Variants in ERC2 observed in about 807,000 individuals in gnomAD.
ERC2 encodes ERC protein 2.
ERC2 carries 42 observed loss-of-function variants against 114.8 expected under a neutral mutation model. That is an observed-to-expected ratio of 0.37 (90% CI 0.29 to 0.47). The LOEUF (loss-of-function observed/expected upper bound fraction) is 0.47. Ranked by LOEUF, ERC2 falls within the 20% of genes least tolerant of loss-of-function variation. The pLI is 0.99. For missense variants in ERC2, 939 were observed against 1,150.7 expected (o/e 0.82, Z 2.66); for synonymous variants, 454 against 425.5 (o/e 1.07, Z -0.82).
At chr3:55,818,710 G>C (rs2059997162) in intron 14 of ERC2, among the ~76,000 whole-genome samples, 1 of 152,208 alleles carries the variant, frequency 6.6e-6, no homozygotes, top group Admixed American at 6.5e-5. Flanking sequence ...TGACAAGGCA[G>C]CTGAAGCACT....
At chr3:55,620,628 C>T (rs370111624) in intron 17 of ERC2, among the ~76,000 whole-genome samples, 2 of 152,096 alleles carry the variant, frequency 1.3e-5, no homozygotes, top group African/African-American at 2.4e-5. Context: ...TCACAGTGTA[C>T]GGGAGACTTT....
chr3:56,183,148 C>T (rs550826620), intron 3 of ERC2, among the ~76,000 whole-genome samples: 2 of 152,046 alleles, frequency 1.3e-5, no homozygotes, highest in Non-Finnish European at 2.9e-5. Flanking sequence ...AAAGATTGAC[C>T]CCATACCAGG....
intron 3 of ERC2, among the ~76,000 whole-genome samples, chr3:56,294,918 C>T (rs1361850970): frequency 6.6e-6 from 1 of 152,144 alleles, no homozygotes; most frequent in African/African-American, 2.4e-5. Context: ...TAAAACGAAA[C>T]AAGGAAGAAT....
At chr3:55,991,894 T>C (rs1199904466) in intron 11 of ERC2, among the ~76,000 whole-genome samples, 163 bp downstream of exon 11, 1 of 152,222 alleles carries the variant, frequency 6.6e-6, no homozygotes, top group Non-Finnish European at 1.5e-5. Flanking sequence ...GCATTCTTAG[T>C]ATTCCACAGA....
chr3:55,645,481 C>A (rs1270173563), intron 17 of ERC2, among the ~76,000 whole-genome samples: 1 of 152,186 alleles, frequency 6.6e-6, no homozygotes, highest in Admixed American at 6.5e-5. Context: ...AACAAGTTAT[C>A]TTCTTTTGTT....
At chr3:56,378,347 C>G (rs1239177032) in intron 2 of ERC2, among the ~76,000 whole-genome samples, 2 of 141,594 alleles carry the variant, frequency 1.4e-5, no homozygotes, top group Non-Finnish European at 3.1e-5. Flanking sequence ...TGCATATTCT[C>G]ACTCATAGGT....
At chr3:55,899,517 G>A (rs921519349) in intron 13 of ERC2, among the ~76,000 whole-genome samples, 1 of 152,050 alleles carries the variant, frequency 6.6e-6, no homozygotes, top group Non-Finnish European at 1.5e-5. Flanking sequence ...GTGTGTGAGA[G>A]AGAGAGTGTG....
intron 10 of ERC2, 107 bp downstream of exon 10, chr3:56,007,074 A>T: frequency 1.1e-6 from 1 of 946,732 alleles, no homozygotes. Flanking sequence ...TTATCAGCAG[A>T]CAGCAACAGA....
At chr3:56,434,132 G>T (rs2061914215) in intron 2 of ERC2, 21 of 500,282 alleles carry the variant, frequency 4.2e-5, no homozygotes, top group Non-Finnish European at 4.6e-5. Flanking sequence ...CTCCCCATCT[G>T]CAACCATGTG....
At chr3:56,158,960 G>T (rs1357519903) in intron 4 of ERC2, among the ~76,000 whole-genome samples, 3 of 152,138 alleles carry the variant, frequency 2.0e-5, no homozygotes, top group African/African-American at 7.2e-5. Context: ...TGGAGGTGGG[G>T]CCTGCAAGGA....
intron 17 of ERC2, among the ~76,000 whole-genome samples, chr3:55,679,666 A>C (rs1372579685): frequency 6.6e-6 from 1 of 152,242 alleles, no homozygotes; most frequent in Non-Finnish European, 1.5e-5. Flanking sequence ...CAATGGCACA[A>C]GAAAGAGATA....
At chr3:55,595,600 T>A (rs1306385698) in intron 17 of ERC2, among the ~76,000 whole-genome samples, 1 of 152,194 alleles carries the variant, frequency 6.6e-6, no homozygotes, top group Admixed American at 6.5e-5. Flanking sequence ...AGTAAACAAA[T>A]CTGTTATGAT....
chr3:55,797,750 G>A (rs922729682), intron 14 of ERC2, among the ~76,000 whole-genome samples: 2 of 152,170 alleles, frequency 1.3e-5, no homozygotes, highest in African/African-American at 4.8e-5. Flanking sequence ...TAATAAGTGT[G>A]TATTGCATAT....
chr3:56,181,845 T>C (rs1397129912), intron 3 of ERC2, among the ~76,000 whole-genome samples: 1 of 152,196 alleles, frequency 6.6e-6, no homozygotes, highest in African/African-American at 2.4e-5. Flanking sequence ...TGGTGAGGCC[T>C]GTGTGACAGG....
intron 2 of ERC2, among the ~76,000 whole-genome samples, chr3:56,397,487 C>G (rs752856001): frequency 1.3e-5 from 2 of 152,150 alleles, no homozygotes; most frequent in Non-Finnish European, 2.9e-5. Flanking sequence ...TAAATTGTAG[C>G]ATGCACTCTG....
intron 13 of ERC2, among the ~76,000 whole-genome samples, chr3:55,940,310 A>T (rs2066707474): frequency 6.6e-6 from 1 of 151,992 alleles, no homozygotes; most frequent in South Asian, 2.1e-4. Flanking sequence ...GGCTTAGAGA[A>T]AAAAAAATCA....
At chr3:55,969,734 T>C (rs529091477) in intron 12 of ERC2, among the ~76,000 whole-genome samples, 28 of 152,340 alleles carry the variant, frequency 1.8e-4, no homozygotes, top group Non-Finnish European at 3.5e-4. Context: ...TGGGATCCTC[T>C]CTTAGGTTTG....
intron 2 of ERC2, among the ~76,000 whole-genome samples, chr3:56,364,558 A>G (rs2059081010): frequency 6.6e-6 from 1 of 152,208 alleles, no homozygotes; most frequent in Non-Finnish European, 1.5e-5. Flanking sequence ...AATGTAGGAG[A>G]AAGGCAGAGG....
At chr3:56,082,292 A>G (rs181087162) in intron 6 of ERC2, among the ~76,000 whole-genome samples, 20 of 152,290 alleles carry the variant, frequency 1.3e-4, no homozygotes, top group African/African-American at 4.8e-4. Context: ...AAAGAAGCCC[A>G]AAGGAATTCA....
Sources: allele counts gnomAD v4.1 joint callset (sites outside exome capture counted in the v4.1 genomes callset), GRCh38; gene constraint gnomAD v4.1.1; transcripts MANE v1.5; gene names NCBI Gene and HGNC (gene_info 2026-07-23, HGNC 2026-07-21).